Variants in FBXO11 observed in about 807,000 individuals in gnomAD.
FBXO11 encodes the protein F-box protein 11.
A neutral mutation model predicts 117.0 loss-of-function variants in FBXO11; 13 were observed. That is an observed-to-expected ratio of 0.11 (90% CI 0.07 to 0.18). The LOEUF is 0.18. FBXO11 is among the 10% of genes least tolerant of loss of function. The pLI is 1.00. For synonymous variants in FBXO11, 490 were observed against 380.5 expected, an observed-to-expected ratio of 1.29 and a Z score of -3.35; for missense variants, 767 against 1,164.4, an observed-to-expected ratio of 0.66 and a Z score of 4.97.
chr2:47,896,805 T>C (rs1465288392), intron 1 of FBXO11, among the ~76,000 whole-genome samples: 3 of 152,188 alleles, frequency 2.0e-5, no homozygotes, highest in Non-Finnish European at 4.4e-5. Flanking sequence ...ATTGCTGACC[T>C]TATATGAAAT....
intron 14 of FBXO11, 137 bp from the exon 15 acceptor site, chr2:47,819,215 C>CTTTTG (rs1372411476): frequency 1.2e-5 from 9 of 777,370 alleles, no homozygotes; most frequent in South Asian, 1.9e-5. Context: ...TGGCAATATT[C>CTTTTG]TTTTGTTTTG....
At position 47,834,632 on chromosome 2, in the gene FBXO11, A is replaced by C; in HGVS notation, c.881T>G (p.Ile294Arg). 6.2e-7 allele frequency: 1 copy of C among 1,609,344 alleles called. No individual in the cohort carries two copies. The highest frequency in any genetic ancestry group is 1.7e-5 in the Admixed American group (1 of 59,536). The change falls in exon 7 of 23, where the codon ATA (isoleucine) becomes AGA (arginine). Residue 294 changes from isoleucine (I) to arginine (R), a missense_variant. Around this residue, in one of 10 missense-constraint regions of FBXO11, gnomAD observed 123 missense variants for 145.0 expected, o/e 0.85. Coordinates refer to ENST00000403359, the MANE Select transcript of FBXO11 (RefSeq NM_001190274.2). ...AATATATATCCATTCATCAGTATAT[A>C]TTCCAGAATGAACAAAGATAAGTCC... ...FDGLIFVHSG[I>R]YTDEWIYIES...
At chr2:47,894,680 G>T (rs949767174) in intron 1 of FBXO11, among the ~76,000 whole-genome samples, 3 of 152,096 alleles carry the variant, frequency 2.0e-5, no homozygotes, top group Non-Finnish European at 4.4e-5. Flanking sequence ...AAGTTCCTTA[G>T]ATTTTTAGAC....
intron 1 of FBXO11, among the ~76,000 whole-genome samples, chr2:47,875,769 A>G (rs1453745177): frequency 6.6e-6 from 1 of 152,168 alleles, no homozygotes; most frequent in Non-Finnish European, 1.5e-5. Flanking sequence ...TAAAATGAAA[A>G]TCAAAAATGA....
intron 20 of FBXO11, 104 bp from the exon 21 acceptor site, chr2:47,809,370 C>A: frequency 3.9e-6 from 3 of 779,140 alleles, no homozygotes; most frequent in Non-Finnish European, 6.0e-6. Flanking sequence ...TTTTTAAGAG[C>A]TTTAAATGAA....
chr2:47,894,082 G>A (rs1208027986), intron 1 of FBXO11, among the ~76,000 whole-genome samples: 1 of 152,172 alleles, frequency 6.6e-6, no homozygotes, highest in Admixed American at 6.5e-5. Context: ...ACAGAGCCCT[G>A]TCATTCTCAG....
intron 1 of FBXO11, among the ~76,000 whole-genome samples, chr2:47,853,169 T>C (rs1175095105): frequency 6.6e-6 from 1 of 151,950 alleles, no homozygotes; most frequent in African/African-American, 2.4e-5. Flanking sequence ...CCTCCTGAGT[T>C]CAAGCCATTC....
intron 1 of FBXO11, among the ~76,000 whole-genome samples, chr2:47,881,019 C>T (rs1217664228): frequency 6.6e-6 from 1 of 152,074 alleles, no homozygotes; most frequent in African/African-American, 2.4e-5. Flanking sequence ...CTTTGGGAGG[C>T]TGAGGTGGGC....
chr2:47,810,856 C>A (rs960080908), intron 18 of FBXO11: 1 of 153,242 alleles, frequency 6.5e-6, no homozygotes, highest in Non-Finnish European at 1.5e-5. Flanking sequence ...TGATGAGTTT[C>A]CTTTATTCCA....
chr2:47,902,945 A>C (rs1003309359), intron 1 of FBXO11, among the ~76,000 whole-genome samples: 1 of 151,914 alleles, frequency 6.6e-6, no homozygotes, highest in African/African-American at 2.4e-5. Flanking sequence ...AAAACCACAC[A>C]TACATTCTTA....
In FBXO11 at chr2:47,810,346, T is replaced by C; in HGVS notation, c.2308A>G (p.Lys770Glu). ...GCAAATCCATCAAATATTCTGTTTT[T>C]CCTTAAGATTGGATGACTATTAGTG... ...ISTNSHPILR[K>E]NRIFDGFAAG... Residue 770 changes from lysine (K) to glutamate (E), a missense_variant, in exon 19 of 23, where the codon AAA (lysine) becomes GAA (glutamate). Lys to Glu is a moderately conservative substitution (Grantham distance 56). Transcript: ENST00000403359. 1 of 1,608,414 alleles carries C rather than the reference T, an allele frequency of 6.2e-7. No individual in the cohort carries two copies. Among genetic ancestry groups the C allele is most frequent in the East Asian group, 2.2e-5 (1 of 44,810 alleles).
At chr2:47,825,353 C>T (rs1402960653) in intron 11 of FBXO11, among the ~76,000 whole-genome samples, 1 of 151,660 alleles carries the variant, frequency 6.6e-6, no homozygotes, top group African/African-American at 2.4e-5. Context: ...TGATTTTATA[C>T]AGAATAAAAG....
At chr2:47,878,916 T>C (rs1286528695) in intron 1 of FBXO11, among the ~76,000 whole-genome samples, 2 of 151,976 alleles carry the variant, frequency 1.3e-5, no homozygotes, top group African/African-American at 4.8e-5. Flanking sequence ...GAGGCAGACA[T>C]TGTAGTGAGC....
At chr2:47,858,268 C>T (rs1268405215) in intron 1 of FBXO11, among the ~76,000 whole-genome samples, 1 of 152,002 alleles carries the variant, frequency 6.6e-6, no homozygotes, top group Non-Finnish European at 1.5e-5. Flanking sequence ...CCTCGGCCTC[C>T]CAAAGTGCTG....
intron 1 of FBXO11, among the ~76,000 whole-genome samples, chr2:47,847,990 G>A (rs1164315137): frequency 1.3e-5 from 2 of 151,958 alleles, no homozygotes; most frequent in African/African-American, 4.8e-5. Flanking sequence ...CGGGCGTGGT[G>A]ACGGGTGCTT....
chr2:47,835,006 G>C (rs772768170), intron 5 of FBXO11, 135 bp from the exon 6 acceptor site: 10 of 678,238 alleles, frequency 1.5e-5, no homozygotes, highest in Admixed American at 2.9e-5. Flanking sequence ...TTTTCTGTCA[G>C]AGTACAATGT....
At chr2:47,882,027 T>G (rs1309876776) in intron 1 of FBXO11, among the ~76,000 whole-genome samples, 1 of 152,170 alleles carries the variant, frequency 6.6e-6, no homozygotes, top group Non-Finnish European at 1.5e-5. Flanking sequence ...GGATTACAGA[T>G]GTGAGTCACC....
rs954259703 is a variant in FBXO11 at position 47,822,601 on chromosome 2, A to C, written c.1617-298T>G. Among the ~76,000 whole-genome samples, 11 of 152,242 alleles carry C rather than the reference A, an allele frequency of 7.2e-5. No homozygotes were observed. In the East Asian group the frequency reaches 2.1e-3, roughly 29 times the overall value. On this transcript the variant is annotated intron_variant, in intron 12 of 22. Transcript: ENST00000403359. Reference sequence around the variant, plus strand: ...GATGGAAATCCCAAAATCTACTTCCATAAAGCCAATGGAAAATAAAATTTG... The same window carrying C: ...GATGGAAATCCCAAAATCTACTTCCCTAAAGCCAATGGAAAATAAAATTTG...
chr2:47,885,153 G>A (rs1676727985), intron 1 of FBXO11, among the ~76,000 whole-genome samples: 1 of 152,166 alleles, frequency 6.6e-6, no homozygotes, highest in Admixed American at 6.5e-5. Context: ...AACACCTGAG[G>A]CTGAGATATG....
Sources: gnomAD v4.1 joint callset for allele counts (sites outside exome capture counted in the v4.1 genomes callset) on GRCh38, gnomAD v4.1.1 for gene constraint, gnomAD v4.1.1 regional missense constraint, MANE v1.5 for transcripts, NCBI Gene and HGNC (gene_info 2026-07-23, HGNC 2026-07-21) for gene names.